Variants in TWSG1 observed in about 807,000 individuals in gnomAD.
TWSG1 encodes the protein twisted gastrulation BMP signaling modulator 1, also known as twisted gastrulation protein homolog 1.
Under a neutral mutation model 23.0 loss-of-function variants are expected in TWSG1, and 15 were observed. The ratio of observed to expected loss-of-function variants is 0.65; its 90% CI spans 0.44 to 1.00. The LOEUF (loss-of-function observed/expected upper bound fraction) is 1.00, where lower values mean the gene tolerates loss of function less well. Among genes scored for constraint, TWSG1 ranks in the 50% least tolerant of loss-of-function variants. TWSG1 has a pLI of 0.00. For missense variants in TWSG1, 242 were observed against 278.7 expected (o/e 0.87, Z 0.94); for synonymous variants, 86 against 92.8 (o/e 0.93, Z 0.42).
Position 9,399,573 on chromosome 18 carries a change from A to G in TWSG1, c.*46A>G. 6.6e-7 allele frequency: 1 copy of G among 1,509,492 alleles called. No individual in the cohort carries two copies. The highest frequency in any genetic ancestry group is 8.9e-7 in the Non-Finnish European group (1 of 1,122,298). 93.5% of individuals were successfully genotyped at this position (1,509,492 alleles called of 1,614,324 possible). A position where few individuals can be genotyped will look rare whatever the true frequency, so the allele number is the denominator to read the frequency against. ...AGCAACTTAGTAAAATAATAGGTAT[A>G]AAAAGTTATTCTGTAAGTCTGTTGG... On this transcript the variant is annotated 3_prime_UTR_variant, in exon 5 of 5. Coordinates refer to ENST00000262120, the MANE Select transcript of TWSG1 (RefSeq NM_020648.6).
chr18:9,341,280 GC>G (rs1055319232), intron 2 of TWSG1, among the ~76,000 whole-genome samples: 6 of 152,190 alleles, frequency 3.9e-5, no homozygotes, highest in Admixed American at 3.9e-4. Context: ...GGCTAGGTGA[GC>G]TCAAAATTTT....
chr18:9,366,672 C>T (rs375842767), intron 3 of TWSG1, among the ~76,000 whole-genome samples: 13 of 152,154 alleles, frequency 8.5e-5, no homozygotes, highest in African/African-American at 2.7e-4. Context: ...TGTCTTGCTT[C>T]GCTCTAACAT....
chr18:9,399,481 T>A lies in TWSG1; in HGVS notation c.626T>A (p.Ile209Asn). ...ACCECIGPEC[I>N]DYGSKTVKCM... Reference sequence around the variant, plus strand: ...TGCGAGTGCATTGGTCCAGAATGTATTGACTATGGTAGTAAAACTGTCAAA... The same window carrying A: ...TGCGAGTGCATTGGTCCAGAATGTAATGACTATGGTAGTAAAACTGTCAAA... Residue 209 changes from isoleucine to asparagine, a missense_variant, in exon 5 of 5, where the codon ATT becomes AAT. Ile to Asn is a moderately radical substitution (Grantham distance 149). Coordinates refer to ENST00000262120, the MANE Select transcript of TWSG1 (RefSeq NM_020648.6). The A allele has an allele frequency of 6.2e-7, 1 of 1,612,088 alleles. No homozygotes were observed. Among genetic ancestry groups the A allele is most frequent in the South Asian group, 1.1e-5 (1 of 90,362 alleles).
chr18:9,385,768 TAAAAG>T (rs1225599907), intron 3 of TWSG1, among the ~76,000 whole-genome samples: 1 of 149,108 alleles, frequency 6.7e-6, no homozygotes, highest in Non-Finnish European at 1.5e-5. Flanking sequence ...ATTTAGGACA[TAAAAG>T]AAATCTTTTA....
chr18:9,378,350 C>G lies in TWSG1; in HGVS notation c.224-17930C>G, dbSNP rs746955913. ...ATCCCTGTTTGCAGACAACACAATT[C>G]TATATCTAGAAAACCCCATAGTCTC... On this transcript the variant is annotated intron_variant, in intron 3 of 4. Coordinates refer to ENST00000262120, the MANE Select transcript of TWSG1 (RefSeq NM_020648.6). Among the ~76,000 whole-genome samples the G allele has an allele frequency of 4.6e-5, 7 of 152,134 alleles. 1 individual carries two copies. The highest frequency in any genetic ancestry group is 9.7e-5 in the African/African-American group (4 of 41,418).
In TWSG1 at chr18:9,399,427, C is replaced by T. The variant is rs1245373931; in HGVS notation, c.572C>T (p.Ser191Phe). Residue 191 changes from serine (S) to phenylalanine (F), a missense_variant, in exon 5 of 5, where the codon TCC becomes TTC. Coordinates refer to ENST00000262120, the MANE Select transcript of TWSG1 (RefSeq NM_020648.6). ...ATATCCTGTGAGTCCATGGGAGCATCCAAATATCGCTGGTTTCATAATGCC... is the reference window on the plus strand; with the variant it reads ...ATATCCTGTGAGTCCATGGGAGCATTCAAATATCGCTGGTTTCATAATGCC... ...CKISCESMGASKYRWFHNACC... is the reference protein window; with the variant it reads ...CKISCESMGAFKYRWFHNACC... 25 of 1,613,946 alleles carry T rather than the reference C, an allele frequency of 1.5e-5. No individual in the cohort carries two copies. The highest frequency in any genetic ancestry group is 1.7e-5 in the Non-Finnish European group (20 of 1,179,974).
Position 9,399,054 on chromosome 18 carries a change from T to C in TWSG1, c.491-292T>C, listed in dbSNP as rs59218106. ...AGTTTAAAAGCACAGCTGTATAACA[T>C]AGCAAATGTTTTTAAGCCCAATAAT... On this transcript the variant is annotated intron_variant, in intron 4 of 4. Transcript: ENST00000262120. 4.6e-3 allele frequency among the ~76,000 whole-genome samples: 699 copies of C among 151,700 alleles called. 5 individuals are homozygous for C. The highest frequency in any genetic ancestry group is 0.015 in the African/African-American group (640 of 41,404).
intron 3 of TWSG1, chr18:9,388,326 CAGA>C (rs1158345157): frequency 1.3e-5 from 2 of 152,212 alleles, no homozygotes; most frequent in Non-Finnish European, 2.9e-5. Context: ...ATCTCAAAAT[CAGA>C]AGTATTGTCC....
intron 3 of TWSG1, among the ~76,000 whole-genome samples, chr18:9,363,685 G>A (rs1036148127): frequency 6.6e-6 from 1 of 152,070 alleles, no homozygotes; most frequent in Non-Finnish European, 1.5e-5. Context: ...GAGTGCACTG[G>A]TGCAGTCTTG....
rs879700117 is a variant in TWSG1, at chr18:9,399,007, C to CA, written c.491-328dup. ...TGGGTGGCAGAGTGAGACTCCATCT[C>CA]AAAAAAAAAAAGGAAATGCCCAGTT... is the stretch of plus-strand genomic sequence containing the variant. On this transcript the variant is annotated intron_variant, in intron 4 of 4. Transcript: ENST00000262120. Among the ~76,000 whole-genome samples, 788 of 136,550 alleles carry CA rather than the reference C, an allele frequency of 5.8e-3. 4 individuals are homozygous for CA. The highest frequency in any genetic ancestry group is 0.019 in the African/African-American group (717 of 37,192). 89.6% of individuals were successfully genotyped at this position (136,550 alleles called of 152,430 possible). A position where few individuals can be genotyped will look rare whatever the true frequency, so the allele number is the denominator to read the frequency against.
Position 9,391,207 on chromosome 18 carries a change from T to C in TWSG1, c.224-5073T>C, listed in dbSNP as rs552408531. ...AGCAACTCCTCATTTGTTCAAGTTT[T>C]ATAATGAGATTGCAATAATTCAGTC... On this transcript the variant is annotated intron_variant, in intron 3 of 4. Coordinates refer to ENST00000262120, the MANE Select transcript of TWSG1 (RefSeq NM_020648.6). 9.0e-4 allele frequency among the ~76,000 whole-genome samples: 137 copies of C among 152,364 alleles called. 1 individual carries two copies. The South Asian group carries it at 0.028, about 31-fold the overall frequency.
chr18:9,337,942 T>G (rs2040430020), intron 2 of TWSG1, among the ~76,000 whole-genome samples: 2 of 152,194 alleles, frequency 1.3e-5, no homozygotes, highest in Admixed American at 1.3e-4. Context: ...AAGTTATATC[T>G]CTTCCAATCA....
At chr18:9,396,812 G>T (rs941178133) in intron 4 of TWSG1, 7 of 527,088 alleles carry the variant, frequency 1.3e-5, no homozygotes, top group Non-Finnish European at 2.3e-5. Flanking sequence ...TGTAATCCCA[G>T]CACTTTGGGA....
intron 3 of TWSG1, among the ~76,000 whole-genome samples, chr18:9,384,176 G>T (rs1032182618): frequency 1.3e-5 from 2 of 152,168 alleles, no homozygotes; most frequent in Admixed American, 6.5e-5. Context: ...TGACAGTTTG[G>T]AAATGGGAAC....
chr18:9,360,943 C>T (rs530879995), intron 3 of TWSG1, among the ~76,000 whole-genome samples: 5 of 152,294 alleles, frequency 3.3e-5, no homozygotes, highest in African/African-American at 1.2e-4. Context: ...TATCAGTTGA[C>T]TTCCTCTTAT....
rs1003404706 is a variant in TWSG1 at position 9,401,910 on chromosome 18, A to G, written c.*2383A>G. 4 of 152,128 alleles carry G rather than the reference A, an allele frequency of 2.6e-5. No individual in the cohort carries two copies. The highest frequency in any genetic ancestry group is 1.3e-4 in the Admixed American group (2 of 15,286). The allele number at this position is 152,128 out of a possible 1,614,324, so 9.4% of individuals were successfully genotyped here. ...TTTTTAAAGCACTAGGTTTTAAATC[A>G]GTGGGTATCATAAAAGCCATATATA... On this transcript the variant is annotated 3_prime_UTR_variant, in exon 5 of 5. Coordinates refer to ENST00000262120, the MANE Select transcript of TWSG1 (RefSeq NM_020648.6).
chr18:9,400,522 TGAA>T lies in TWSG1; in HGVS notation c.*1001_*1003del, dbSNP rs1268837383. On this transcript the variant is annotated 3_prime_UTR_variant, in exon 5 of 5. Transcript: ENST00000262120. ...AGCAGACGGCTGATGGGACAGGAAT[TGAA>T]GAAGAGAATTGACTCGTATGAACAG... The T allele has an allele frequency of 1.3e-5, 2 of 152,166 alleles. No homozygotes were observed. The highest frequency in any genetic ancestry group is 3.8e-4 in the East Asian group (2 of 5,204). The allele number at this position is 152,166 out of a possible 1,614,324, so 9.4% of individuals were successfully genotyped here.
rs2040765366 is a variant in TWSG1 at position 9,402,149 on chromosome 18, A to G, written c.*2622A>G. On this transcript the variant is annotated 3_prime_UTR_variant, in exon 5 of 5. Coordinates refer to ENST00000262120, the MANE Select transcript of TWSG1 (RefSeq NM_020648.6). ...GATTTCTAAAATTCCAGAAAGCAAA[A>G]TTGATAAGATGTTAGAAATTTGGAC... 1 of 152,184 alleles carries G rather than the reference A, an allele frequency of 6.6e-6. No individual in the cohort carries two copies. The highest frequency in any genetic ancestry group is 2.4e-5 in the African/African-American group (1 of 41,462). The allele number at this position is 152,184 out of a possible 1,614,324, so 9.4% of individuals were successfully genotyped here. A position where few individuals can be genotyped will look rare whatever the true frequency, so the allele number is the denominator to read the frequency against.
chr18:9,399,319 C>A, intron 4 of TWSG1, 27 bp from the exon 5 acceptor site: 1 of 1,520,774 alleles, frequency 6.6e-7, no homozygotes, highest in Admixed American at 2.3e-5. Flanking sequence ...CTTTCTTGCC[C>A]TGAAATCTTA....
Sources: allele counts gnomAD v4.1 joint callset (sites outside exome capture counted in the v4.1 genomes callset), GRCh38; gene constraint gnomAD v4.1.1; transcripts MANE v1.5; gene names NCBI Gene and HGNC (gene_info 2026-07-23, HGNC 2026-07-21).